ABLIM3: variants seen among roughly 807,000 people sequenced by gnomAD.
ABLIM3 encodes actin-binding LIM protein 3.
Under a neutral mutation model 109.5 loss-of-function variants are expected in ABLIM3, and 61 were observed. That is an observed-to-expected ratio of 0.56 (90% confidence interval 0.45 to 0.69). ABLIM3 has a LOEUF of 0.69. ABLIM3 is among the 30% of genes least tolerant of loss of function. The pLI is 0.00. For synonymous variants in ABLIM3, 300 were observed against 324.8 expected (o/e 0.92, Z 0.82); for missense variants, 796 against 889.5 (o/e 0.89, Z 1.34).
chr5:149,174,658 C>G (rs138959836), intron 2 of ABLIM3: 2 of 152,166 alleles, frequency 1.3e-5, no homozygotes, highest in African/African-American at 4.8e-5. Flanking sequence ...CTGCTGGGGT[C>G]GAGGCAGTCC....
At chr5:149,176,708 A>C (rs886736569) in intron 2 of ABLIM3, among the ~76,000 whole-genome samples, 3 of 152,126 alleles carry the variant, frequency 2.0e-5, no homozygotes, top group African/African-American at 7.2e-5. Flanking sequence ...AATATTATCT[A>C]TTATCTTTCA....
chr5:149,211,388 C>T (rs1190737176), intron 7 of ABLIM3, among the ~76,000 whole-genome samples: 4 of 152,086 alleles, frequency 2.6e-5, no homozygotes, highest in South Asian at 2.1e-4. Flanking sequence ...CTGGTCTTTC[C>T]GGCCTTTCTT....
chr5:149,238,456 G>T (rs774609916), intron 11 of ABLIM3, among the ~76,000 whole-genome samples: 1 of 152,098 alleles, frequency 6.6e-6, no homozygotes, highest in Non-Finnish European at 1.5e-5. Flanking sequence ...TCTGGTTTCC[G>T]GCCCCTGAAA....
In ABLIM3 at chr5:149,148,392, G is replaced by A. The variant is rs533204323; in HGVS notation, c.13+6284G>A. Reference sequence around the variant, plus strand: ...AAAGGCCTGGGCTCATACTGAGTCAGTACACTCGCTTCGCTGAAGGACTTC... The same window carrying A: ...AAAGGCCTGGGCTCATACTGAGTCAATACACTCGCTTCGCTGAAGGACTTC... On this transcript the variant is annotated intron_variant, in intron 2 of 23. Coordinates refer to ENST00000309868, the MANE Select transcript of ABLIM3 (RefSeq NM_014945.5). 3.3e-5 allele frequency among the ~76,000 whole-genome samples: 5 copies of A among 152,264 alleles called. No homozygotes were observed. In the East Asian group the frequency reaches 7.8e-4, roughly 24 times the overall value.
At chr5:149,204,313 C>T (rs1758762909) in intron 5 of ABLIM3, among the ~76,000 whole-genome samples, 1 of 152,124 alleles carries the variant, frequency 6.6e-6, no homozygotes, top group Non-Finnish European at 1.5e-5. Flanking sequence ...TCTGCAGACA[C>T]CAACTTGGAA....
intron 2 of ABLIM3, among the ~76,000 whole-genome samples, chr5:149,182,527 G>T (rs556170025): frequency 1.6e-4 from 24 of 152,284 alleles, no homozygotes; most frequent in African/African-American, 5.3e-4. Flanking sequence ...AGATTTTTGT[G>T]CTGTAGGCAG....
chr5:149,157,383 T>C (rs1753947433), intron 2 of ABLIM3, among the ~76,000 whole-genome samples: 2 of 152,140 alleles, frequency 1.3e-5, no homozygotes, highest in South Asian at 4.1e-4. Context: ...ACAGCCCACA[T>C]GCCTTGTAGC....
intron 2 of ABLIM3, among the ~76,000 whole-genome samples, chr5:149,170,434 C>A (rs1755302114): frequency 6.6e-6 from 1 of 152,110 alleles, no homozygotes. Context: ...GCCTGCCAAT[C>A]ATACGGAAAG....
chr5:149,259,512 C>T lies in ABLIM3; in HGVS notation c.*1108C>T, dbSNP rs1433056683. On this transcript the variant is annotated 3_prime_UTR_variant, in exon 24 of 24. Coordinates refer to ENST00000309868, the MANE Select transcript of ABLIM3 (RefSeq NM_014945.5). ...ACCATACCATACCCCCGCCAGTCCT[C>T]GGCTCCTGCTGCAAAGTTGGCCATG... The T allele has an allele frequency of 3.3e-6, 5 of 1,536,190 alleles. No individual in the cohort carries two copies. The highest frequency in any genetic ancestry group is 4.4e-6 in the Non-Finnish European group (5 of 1,146,920).
At chr5:149,159,981 T>C (rs1754193213) in intron 2 of ABLIM3, among the ~76,000 whole-genome samples, 1 of 152,216 alleles carries the variant, frequency 6.6e-6, no homozygotes, top group Non-Finnish European at 1.5e-5. Context: ...ATGTTTTACC[T>C]TTAGATTACC....
chr5:149,145,199 G>A (rs1210354927), intron 2 of ABLIM3, among the ~76,000 whole-genome samples: 1 of 152,046 alleles, frequency 6.6e-6, no homozygotes, highest in African/African-American at 2.4e-5. Context: ...ATGTCCATGA[G>A]TACTTAATGT....
At position 149,233,269 on chromosome 5, in the gene ABLIM3, C is replaced by A. The variant is rs1408421785; in HGVS notation, c.857C>A (p.Ser286Tyr). Residue 286 changes from serine (S) to tyrosine (Y), a missense_variant, in exon 10 of 24, where the codon TCC (serine) becomes TAC (tyrosine). By Grantham distance (144) the Ser-to-Tyr change is moderately radical (BLOSUM62 -2). Transcript: ENST00000309868. ...TSETSISPPG[S>Y]SIGSPNRVIC... Reference sequence around the variant, plus strand: ...GAAACCTCCATCTCACCCCCTGGATCCAGCATTGGGTCACCCAACCGAGTC... The same window carrying A: ...GAAACCTCCATCTCACCCCCTGGATACAGCATTGGGTCACCCAACCGAGTC... 1 of 1,614,096 alleles carries A rather than the reference C, an allele frequency of 6.2e-7. No homozygotes were observed. The highest frequency in any genetic ancestry group is 8.5e-7 in the Non-Finnish European group (1 of 1,180,038).
intron 3 of ABLIM3, among the ~76,000 whole-genome samples, chr5:149,189,222 C>T (rs545885214): frequency 6.6e-6 from 1 of 152,126 alleles, no homozygotes; most frequent in East Asian, 1.9e-4. Context: ...TGATTGAAGA[C>T]CTAAATGTAG....
intron 23 of ABLIM3, among the ~76,000 whole-genome samples, chr5:149,255,801 C>T (rs1380621598): frequency 6.6e-6 from 1 of 152,160 alleles, no homozygotes; most frequent in Non-Finnish European, 1.5e-5. Flanking sequence ...GGAAGCAGAT[C>T]ACACAATGTA....
chr5:149,215,877 T>C (rs1760027323), intron 7 of ABLIM3, among the ~76,000 whole-genome samples: 1 of 152,218 alleles, frequency 6.6e-6, no homozygotes, highest in South Asian at 2.1e-4. Context: ...GCTGAGCTGG[T>C]GACTGACTCA....
chr5:149,203,489 ACAC>A (rs1268501167), intron 5 of ABLIM3, among the ~76,000 whole-genome samples: 1 of 151,710 alleles, frequency 6.6e-6, no homozygotes, highest in African/African-American at 2.4e-5. Context: ...AACACCATTG[ACAC>A]CACCACCACA....
chr5:149,210,372 T>C (rs1164459737), intron 6 of ABLIM3, among the ~76,000 whole-genome samples: 1 of 152,166 alleles, frequency 6.6e-6, no homozygotes, highest in African/African-American at 2.4e-5. Flanking sequence ...ACTCATAGGG[T>C]TGCCATCAAA....
chr5:149,255,155 G>C (rs1459010211), intron 23 of ABLIM3, among the ~76,000 whole-genome samples: 1 of 152,234 alleles, frequency 6.6e-6, no homozygotes, highest in South Asian at 2.1e-4. Flanking sequence ...AGTGATGACA[G>C]AATCAGAGTT....
At chr5:149,229,606 A>C (rs1046051123) in intron 8 of ABLIM3, among the ~76,000 whole-genome samples, 2 of 152,250 alleles carry the variant, frequency 1.3e-5, no homozygotes, top group African/African-American at 4.8e-5. Flanking sequence ...AGCATAATAT[A>C]AAGTATATCC....
Sources: allele counts gnomAD v4.1 joint callset (sites outside exome capture counted in the v4.1 genomes callset), GRCh38; gene constraint gnomAD v4.1.1; transcripts MANE v1.5; gene names NCBI Gene and HGNC (gene_info 2026-07-23, HGNC 2026-07-21).